PLCB1: variants seen among roughly 807,000 people sequenced by gnomAD.
PLCB1 encodes phospholipase C beta 1, also known as 1-phosphatidylinositol 4,5-bisphosphate phosphodiesterase beta-1.
A neutral mutation model predicts 161.8 loss-of-function variants in PLCB1; 46 were observed. The observed-to-expected ratio is 0.28, with a 90% CI of 0.22 to 0.36. PLCB1 has a LOEUF of 0.36. Among genes scored for constraint, PLCB1 ranks in the 10% least tolerant of loss-of-function variants. PLCB1 has a pLI of 1.00. For missense variants in PLCB1, 1,016 were observed against 1,472.5 expected (o/e 0.69, Z 5.07); for synonymous variants, 517 against 503.7 (o/e 1.03, Z -0.35).
chr20:8,335,821 T>C (rs1242541388), intron 2 of PLCB1, among the ~76,000 whole-genome samples: 3 of 152,252 alleles, frequency 2.0e-5, no homozygotes, highest in Non-Finnish European at 4.4e-5. Flanking sequence ...CTTAGGAACT[T>C]CTTTTTTCTA....
chr20:8,786,697 T>G (rs973595001), intron 27 of PLCB1, among the ~76,000 whole-genome samples: 3 of 151,894 alleles, frequency 2.0e-5, no homozygotes, highest in South Asian at 2.1e-4. Flanking sequence ...TTTTGTTTTT[T>G]TTTTTTTTGA....
chr20:8,265,411 G>C (rs984566518), intron 2 of PLCB1, among the ~76,000 whole-genome samples: 34 of 152,126 alleles, frequency 2.2e-4, no homozygotes, highest in African/African-American at 7.5e-4. Context: ...GGTGGGGGAG[G>C]CATTTACTAT....
At chr20:8,787,346 G>A (rs1983538328) in intron 27 of PLCB1, among the ~76,000 whole-genome samples, 1 of 152,228 alleles carries the variant, frequency 6.6e-6, no homozygotes, top group South Asian at 2.1e-4. Flanking sequence ...CTCCCAGTGA[G>A]CAGGCCCGTT....
intron 2 of PLCB1, among the ~76,000 whole-genome samples, chr20:8,343,246 T>G (rs1985878042): frequency 6.6e-6 from 1 of 152,214 alleles, no homozygotes; most frequent in Non-Finnish European, 1.5e-5. Context: ...GCCAGTGCCA[T>G]TGGTCCACCA....
intron 3 of PLCB1, among the ~76,000 whole-genome samples, chr20:8,518,434 C>T (rs957950570): frequency 6.6e-6 from 1 of 152,010 alleles, no homozygotes; most frequent in Non-Finnish European, 1.5e-5. Flanking sequence ...AGAAAGAAAA[C>T]CCTACTGGGG....
At chr20:8,155,415 G>A (rs1326493202) in intron 2 of PLCB1, among the ~76,000 whole-genome samples, 3 of 152,062 alleles carry the variant, frequency 2.0e-5, no homozygotes, top group African/African-American at 4.8e-5. Flanking sequence ...TCCATTAATG[G>A]CAACCATAGA....
chr20:8,870,749 C>T (rs577183145), intron 31 of PLCB1, among the ~76,000 whole-genome samples: 1 of 152,284 alleles, frequency 6.6e-6, no homozygotes, highest in Admixed American at 6.5e-5. Context: ...TGCCCTTCAC[C>T]CAACAGCCTT....
intron 31 of PLCB1, among the ~76,000 whole-genome samples, chr20:8,825,811 ACT>A (rs1985666215): frequency 6.6e-6 from 1 of 152,154 alleles, no homozygotes; most frequent in Non-Finnish European, 1.5e-5. Context: ...CAGGCAAGAG[ACT>A]CTGGCAGTGT....
At chr20:8,684,131 A>G (rs574510545) in intron 9 of PLCB1, among the ~76,000 whole-genome samples, 88 of 152,108 alleles carry the variant, frequency 5.8e-4, no homozygotes, top group Middle Eastern at 3.4e-3. Context: ...TGATCTGCCC[A>G]CCTTGGCCTC....
At chr20:8,324,486 CAT>C (rs544156688) in intron 2 of PLCB1, among the ~76,000 whole-genome samples, 116 of 152,182 alleles carry the variant, frequency 7.6e-4, no homozygotes, top group African/African-American at 2.7e-3. Context: ...ATTTATGTAT[CAT>C]AAATAGCATA....
chr20:8,862,789 A>C (rs898420230), intron 31 of PLCB1, among the ~76,000 whole-genome samples: 11 of 152,184 alleles, frequency 7.2e-5, no homozygotes, highest in African/African-American at 2.7e-4. Context: ...AATTCAAACT[A>C]AGGACTAAGC....
intron 9 of PLCB1, among the ~76,000 whole-genome samples, chr20:8,663,288 C>T (rs1489390344): frequency 2.0e-5 from 3 of 151,838 alleles, no homozygotes; most frequent in Non-Finnish European, 4.4e-5. Flanking sequence ...ATAAACATAT[C>T]TTAAAGTAGG....
chr20:8,757,041 T>A lies in PLCB1; in HGVS notation c.2524-5T>A. The stretch of plus-strand genomic sequence containing the variant: ...TGGAAAATGAAAGGATATTTATAAT[T>A]TTAGGCTGATCCTGGAGAAACACCA... On this transcript the variant is annotated splice_region_variant and splice_polypyrimidine_tract_variant and intron_variant, in intron 23 of 31. Transcript: ENST00000338037. The A allele has an allele frequency of 6.3e-7, 1 of 1,593,520 alleles. No homozygotes were observed. Among genetic ancestry groups the A allele is most frequent in the Non-Finnish European group, 8.5e-7 (1 of 1,171,724 alleles).
At chr20:8,880,212 T>C (rs1359169133) in intron 31 of PLCB1, among the ~76,000 whole-genome samples, 1 of 152,192 alleles carries the variant, frequency 6.6e-6, no homozygotes, top group Non-Finnish European at 1.5e-5. Flanking sequence ...TTATTCTCCC[T>C]GCTCACCAAT....
chr20:8,321,332 T>C (rs910337224), intron 2 of PLCB1, among the ~76,000 whole-genome samples: 4 of 152,248 alleles, frequency 2.6e-5, no homozygotes, highest in African/African-American at 9.6e-5. Context: ...TGTTTCCTAA[T>C]TGGTATTCAT....
In PLCB1 at chr20:8,297,970, C is replaced by T. The variant is rs970558844; in HGVS notation, c.178-73412C>T. On this transcript the variant is annotated intron_variant, in intron 2 of 31. Coordinates refer to ENST00000338037, the MANE Select transcript of PLCB1 (RefSeq NM_015192.4). Reference sequence around the variant, plus strand: ...GCTTCTTGTTTGCCATTTTAAATCACAGTCCCCATCAAATGCCCATTATCT... The same window carrying T: ...GCTTCTTGTTTGCCATTTTAAATCATAGTCCCCATCAAATGCCCATTATCT... 8.6e-5 allele frequency among the ~76,000 whole-genome samples: 13 copies of T among 150,596 alleles called. No homozygotes were observed. The East Asian group carries it at 1.2e-3, about 14-fold the overall frequency.
intron 2 of PLCB1, among the ~76,000 whole-genome samples, chr20:8,295,444 C>T (rs920065792): frequency 3.9e-5 from 6 of 152,028 alleles, no homozygotes; most frequent in Admixed American, 3.9e-4. Flanking sequence ...CTGCATGTCT[C>T]CTAATAAATT....
chr20:8,481,427 T>C (rs1982494566), intron 3 of PLCB1, among the ~76,000 whole-genome samples: 1 of 152,188 alleles, frequency 6.6e-6, no homozygotes, highest in African/African-American at 2.4e-5. Flanking sequence ...ATACCTGTTA[T>C]ATCTTCTATT....
chr20:8,545,967 T>C (rs1215199558), intron 3 of PLCB1, among the ~76,000 whole-genome samples: 3 of 152,188 alleles, frequency 2.0e-5, no homozygotes, highest in Non-Finnish European at 4.4e-5. Flanking sequence ...AACATAAATA[T>C]TGTGTTCTTT....
Sources: gnomAD v4.1 joint callset for allele counts (sites outside exome capture counted in the v4.1 genomes callset) on GRCh38, gnomAD v4.1.1 for gene constraint, MANE v1.5 for transcripts, NCBI Gene and HGNC (gene_info 2026-07-23, HGNC 2026-07-21) for gene names.